The following TTLL12 variants were observed in gnomAD, a reference collection of about 807,000 sequenced individuals.
TTLL12 encodes tubulin--tyrosine ligase-like protein 12.
A neutral mutation model predicts 79.6 loss-of-function variants in TTLL12; 77 were observed. The ratio of observed to expected loss-of-function variants is 0.97; its 90% CI spans 0.81 to 1.17. The LOEUF (loss-of-function observed/expected upper bound fraction) is 1.17, where lower values mean the gene tolerates loss of function less well. Among genes scored for constraint, TTLL12 ranks in the 50% most tolerant of loss-of-function variants. The pLI, the probability that TTLL12 is intolerant of heterozygous loss-of-function variation, is 0.00. For missense variants in TTLL12, 969 were observed against 895.9 expected (o/e 1.08, Z -1.04); for synonymous variants, 437 against 376.1 (o/e 1.16, Z -1.87).
intron 1 of TTLL12, among the ~76,000 whole-genome samples, chr22:43,183,474 A>T (rs1305665468): frequency 2.6e-5 from 4 of 152,162 alleles, no homozygotes; most frequent in Non-Finnish European, 5.9e-5. Flanking sequence ...CACCCCACTC[A>T]CATTACACAG....
chr22:43,176,206 G>A (rs1931903530), intron 6 of TTLL12, 114 bp downstream of exon 6: 1 of 774,116 alleles, frequency 1.3e-6, no homozygotes, highest in Non-Finnish European at 2.2e-6. Flanking sequence ...GGATGCGGCT[G>A]ACTTGCTGCG....
intron 2 of TTLL12, among the ~76,000 whole-genome samples, chr22:43,182,771 G>A (rs890357121): frequency 3.3e-5 from 5 of 152,320 alleles, no homozygotes; most frequent in South Asian, 4.1e-4. Context: ...CTCAGGCCGC[G>A]GTCCATCCGG....
intron 1 of TTLL12, chr22:43,185,845 A>C (rs1404618499): frequency 5.3e-6 from 3 of 567,710 alleles, no homozygotes; most frequent in Non-Finnish European, 6.7e-6. Context: ...GAACAAACCA[A>C]GGTCCCTTCC....
chr22:43,174,686 GCTCAGGGA>G, intron 6 of TTLL12, 71 bp from the exon 7 acceptor site: 1 of 1,101,498 alleles, frequency 9.1e-7, no homozygotes. Flanking sequence ...ACTAGCCCTG[GCTCAGGGA>G]CTCCCTTCCC....
chr22:43,169,783 C>T, intron 11 of TTLL12: 1 of 646,322 alleles, frequency 1.5e-6, no homozygotes. Context: ...GGATTAACTT[C>T]TCTGAGCCTG....
chr22:43,172,294 G>A (rs563293697), intron 10 of TTLL12, 109 bp downstream of exon 10: 41 of 1,361,016 alleles, frequency 3.0e-5, no homozygotes, highest in Non-Finnish European at 3.9e-5. Context: ...GTGATGGAGG[G>A]TGCCTTCCAA....
At chr22:43,178,377 A>G (rs1050537888) in intron 5 of TTLL12, among the ~76,000 whole-genome samples, 3 of 149,418 alleles carry the variant, frequency 2.0e-5, no homozygotes, top group Non-Finnish European at 4.4e-5. Context: ...GCTGGAGTGC[A>G]GTGGCGCGAT....
At position 43,173,842 on chromosome 22, in the gene TTLL12, G is replaced by A. The variant is rs367813195; in HGVS notation, c.1230-16C>T. On this transcript the variant is annotated splice_polypyrimidine_tract_variant and intron_variant, in intron 8 of 13. Transcript: ENST00000216129. ...GTCCTCGCCCCTGGGGAGCAGAAGG[G>A]CTGTCTGGGGGGCGCCTGGGGCCTG... 1.8e-5 allele frequency: 29 copies of A among 1,597,542 alleles called. No individual in the cohort carries two copies. The highest frequency in any genetic ancestry group is 4.3e-4 in the Middle Eastern group (2 of 4,632).
intron 12 of TTLL12, 72 bp from the exon 13 acceptor site, chr22:43,168,984 C>T (rs768355174): frequency 2.1e-5 from 32 of 1,507,486 alleles, no homozygotes; most frequent in Non-Finnish European, 2.6e-5. Context: ...GCTGCCCCTG[C>T]CCAAGTCCCG....
chr22:43,186,196 C>T (rs138954), intron 1 of TTLL12, among the ~76,000 whole-genome samples: 1 of 144,952 alleles, frequency 6.9e-6, no homozygotes, highest in African/African-American at 2.5e-5. Context: ...AACACCCCCC[C>T]CCCCGCCAGC....
rs764622788 is a variant in TTLL12 at position 43,179,747 on chromosome 22, C to A, written c.712G>T (p.Val238Leu). Residue 238 changes from valine to leucine, a missense_variant, in exon 5 of 14, where the codon GTG becomes TTG. Coordinates refer to ENST00000216129, the MANE Select transcript of TTLL12 (RefSeq NM_015140.4). ...PLRDLDTGEE[V>L]TRDFAYGETD... is the part of the protein sequence containing the mutation. The stretch of plus-strand genomic sequence containing the variant: ...TCTCCGTAGGCAAAGTCTCGGGTCA[C>A]CTCCTCTGTGCCAAGACATGAGTGC... 6.4e-7 allele frequency: 1 copy of A among 1,562,812 alleles called. No homozygotes were observed. Among genetic ancestry groups the A allele is most frequent in the Non-Finnish European group, 8.7e-7 (1 of 1,152,892 alleles).
chr22:43,168,071 G>GT lies in TTLL12; in HGVS notation c.1871dup (p.Asn624LysfsTer92). On this transcript the variant is annotated frameshift_variant, in exon 14 of 14. Coordinates refer to ENST00000216129, the MANE Select transcript of TTLL12 (RefSeq NM_015140.4). LOFTEE classifies it high-confidence loss of function. Reference sequence around the variant, plus strand: ...CCAGAAACAAGGTGCTGAAGACGTCGTTGAAGAAGGTGGGGTGGTACCTGC... The same window carrying GT: ...CCAGAAACAAGGTGCTGAAGACGTCGTTTGAAGAAGGTGGGGTGGTACCTGC... 6.2e-7 allele frequency: 1 copy of GT among 1,614,148 alleles called. No individual in the cohort carries two copies. Among genetic ancestry groups the GT allele is most frequent in the East Asian group, 2.2e-5 (1 of 44,878 alleles).
In TTLL12 at chr22:43,167,829, G is replaced by C; in HGVS notation, c.*179C>G. ...GTCCTGCTCTGACCCACAGGTGAGA[G>C]GAGGATGCTGTGCTCCCGGAGTGTG... On this transcript the variant is annotated 3_prime_UTR_variant, in exon 14 of 14. Coordinates refer to ENST00000216129, the MANE Select transcript of TTLL12 (RefSeq NM_015140.4). 4.3e-6 allele frequency: 3 copies of C among 693,896 alleles called. No homozygotes were observed. The highest frequency in any genetic ancestry group is 5.5e-5 in the East Asian group (2 of 36,244). 43.0% of individuals were successfully genotyped at this position (693,896 alleles called of 1,614,324 possible).
At chr22:43,181,990 C>G (rs1052539181) in intron 2 of TTLL12, among the ~76,000 whole-genome samples, 2 of 149,290 alleles carry the variant, frequency 1.3e-5, no homozygotes, top group African/African-American at 5.1e-5. Flanking sequence ...AGGGGAGACT[C>G]AGGGGGATGA....
At position 43,173,827 on chromosome 22, in the gene TTLL12, C is replaced by G; in HGVS notation, c.1230-1G>C. The G allele has an allele frequency of 1.2e-6, 2 of 1,602,030 alleles. No homozygotes were observed. Among genetic ancestry groups the G allele is most frequent in the South Asian group, 2.2e-5 (2 of 90,926 alleles). On this transcript the variant is annotated splice_acceptor_variant, in intron 8 of 13. Transcript: ENST00000216129. LOFTEE classifies it high-confidence loss of function. ...GCAGATCCAGTGGTTGTCCTCGCCC[C>G]TGGGGAGCAGAAGGGCTGTCTGGGG... is the stretch of plus-strand genomic sequence containing the variant.
intron 1 of TTLL12, among the ~76,000 whole-genome samples, chr22:43,186,591 G>C (rs1351012127): frequency 3.9e-5 from 6 of 152,246 alleles, no homozygotes; most frequent in Non-Finnish European, 8.8e-5. Context: ...TCTGTGAAGT[G>C]GGGGTGATGA....
intron 5 of TTLL12, among the ~76,000 whole-genome samples, chr22:43,177,428 T>C (rs1442366839): frequency 2.6e-5 from 4 of 152,138 alleles, no homozygotes; most frequent in Non-Finnish European, 2.9e-5. Flanking sequence ...GACACTATCT[T>C]CCAAAGGCAG....
At chr22:43,178,313 C>T (rs537753620) in intron 5 of TTLL12, among the ~76,000 whole-genome samples, 8 of 148,474 alleles carry the variant, frequency 5.4e-5, no homozygotes, top group South Asian at 4.3e-4. Context: ...ACTCCACACA[C>T]GCCCGCTCTA....
At chr22:43,186,195 C>CA (rs1043744902) in intron 1 of TTLL12, among the ~76,000 whole-genome samples, 2 of 147,950 alleles carry the variant, frequency 1.4e-5, no homozygotes, top group Non-Finnish European at 3.0e-5. Flanking sequence ...AAACACCCCC[C>CA]CCCCCGCCAG....
Sources: allele counts gnomAD v4.1 joint callset (sites outside exome capture counted in the v4.1 genomes callset), GRCh38; gene constraint gnomAD v4.1.1; transcripts MANE v1.5; gene names NCBI Gene and HGNC (gene_info 2026-07-23, HGNC 2026-07-21).